The following PCDHB1 variants were observed in gnomAD, a reference collection of about 807,000 sequenced individuals.
PCDHB1 encodes the protein protocadherin beta 1.
In PCDHB1, 44 loss-of-function variants were observed where a neutral mutation model predicts 43.5. The observed-to-expected ratio is 1.01, with a 90% CI of 0.79 to 1.30. The LOEUF is 1.30. Among genes scored for constraint, PCDHB1 ranks in the 50% most tolerant of loss-of-function variants. The pLI is 0.00. For missense variants in PCDHB1, 919 were observed against 1,008.9 expected (o/e 0.91, Z 1.21); for synonymous variants, 392 against 400.8 (o/e 0.98, Z 0.26).
chr5:141,052,934 A>G lies in PCDHB1; in HGVS notation c.1464A>G (p.Thr488=), dbSNP rs1198311770. The part of the protein sequence containing the change: ...DLDLGENAQI[T]YSLLPPKNGD... ...ATTTGGGTGAGAATGCCCAAATAAC[A>G]TATTCTCTGTTGCCTCCAAAAAACG... Residue 488 remains threonine, a synonymous_variant, in exon 1 of 1, where the codon ACA becomes ACG. Transcript: ENST00000306549. The G allele has an allele frequency of 6.2e-7, 1 of 1,614,200 alleles. No homozygotes were observed. The highest frequency in any genetic ancestry group is 1.1e-5 in the South Asian group (1 of 91,086).
Position 141,052,550 on chromosome 5 carries a change from A to G in PCDHB1, c.1080A>G (p.Ser360=), listed in dbSNP as rs1751013116. The G allele has an allele frequency of 6.2e-7, 1 of 1,613,978 alleles. No homozygotes were observed. Among genetic ancestry groups the G allele is most frequent in the Admixed American group, 1.7e-5 (1 of 59,996 alleles). The change falls in exon 1 of 1, where the codon TCA becomes TCG. Residue 360 remains serine (S), a synonymous_variant. Transcript: ENST00000306549. ...SSVSSPLPED[S]PPQTVVALFT... ...TGTCCAGCCCACTCCCTGAAGACTC[A>G]CCACCACAGACAGTAGTAGCCCTTT...
Position 141,052,472 on chromosome 5 carries a change from G to C in PCDHB1, c.1002G>C (p.Leu334=). The change falls in exon 1 of 1, where the codon CTG becomes CTC. Residue 334 remains leucine (L), a synonymous_variant. Transcript: ENST00000306549. The stretch of plus-strand genomic sequence containing the variant: ...GCCTCTCTGCCCACAGCAAAGTCCT[G>C]GTAGAAGTGGTGGATGTGAATGACA... ...GGGLSAHSKV[L]VEVVDVNDNP... is the part of the protein sequence containing the mutation. 6.2e-7 allele frequency: 1 copy of C among 1,614,206 alleles called. No homozygotes were observed. Among genetic ancestry groups the C allele is most frequent in the Non-Finnish European group, 8.5e-7 (1 of 1,180,046 alleles).
In PCDHB1 at chr5:141,053,706, A is replaced by G. The variant is rs782496451; in HGVS notation, c.2236A>G (p.Asn746Asp). 5.0e-6 allele frequency: 8 copies of G among 1,613,944 alleles called. No homozygotes were observed. In the Admixed American group the frequency reaches 1.2e-4, roughly 24 times the overall value. Reference protein sequence around the residue: ...FSNNLVQGQGNGSLSRPCPYE... With the variant: ...FSNNLVQGQGDGSLSRPCPYE... ...TAACAACCTGGTACAAGGACAAGGCAATGGATCCTTATCTCGGCCTTGTCC... is the reference window on the plus strand; with the variant it reads ...TAACAACCTGGTACAAGGACAAGGCGATGGATCCTTATCTCGGCCTTGTCC... Residue 746 changes from asparagine to aspartate, a missense_variant, in exon 1 of 1, where the codon AAT (asparagine) becomes GAT (aspartate). By Grantham distance (23) the Asn-to-Asp change is conservative. Coordinates refer to ENST00000306549, the MANE Select transcript of PCDHB1 (RefSeq NM_013340.4).
Position 141,052,776 on chromosome 5 carries a change from A to T in PCDHB1, c.1306A>T (p.Thr436Ser). 6.2e-7 allele frequency: 1 copy of T among 1,614,188 alleles called. No homozygotes were observed. Among genetic ancestry groups the T allele is most frequent in the Middle Eastern group, 1.6e-4 (1 of 6,062 alleles). Reference protein sequence around the residue: ...DTGPPSLSAETMIEVLISDVN... With the variant: ...DTGPPSLSAESMIEVLISDVN... ...TGGACCACCTAGCTTGTCTGCCGAG[A>T]CTATGATAGAGGTGCTAATATCCGA... Residue 436 changes from threonine (T) to serine (S), a missense_variant, in exon 1 of 1, where the codon ACT becomes TCT. Coordinates refer to ENST00000306549, the MANE Select transcript of PCDHB1 (RefSeq NM_013340.4).
At position 141,057,253 on chromosome 5, in the gene PCDHB1, G is replaced by A. The variant is rs1588286979; in HGVS notation, c.*3326G>A. On this transcript the variant is annotated 3_prime_UTR_variant, in exon 1 of 1. Coordinates refer to ENST00000306549, the MANE Select transcript of PCDHB1 (RefSeq NM_013340.4). ...GAAATGGCATTTTAATATAAAAATG[G>A]TTAAGATAGGCTGGGCATGGTGGCT... 1 of 152,162 alleles carries A rather than the reference G, an allele frequency of 6.6e-6. No homozygotes were observed. The highest frequency in any genetic ancestry group is 1.9e-4 in the East Asian group (1 of 5,166). The allele number at this position is 152,162 out of a possible 1,614,324, so 9.4% of individuals were successfully genotyped here. A position where few individuals can be genotyped will look rare whatever the true frequency, so the allele number is the denominator to read the frequency against.
chr5:141,051,517 C>A lies in PCDHB1; in HGVS notation c.47C>A (p.Ser16Tyr). ...RKSLQNRQVG[S>Y]LLIFLCISVG... ...TCTTTGCAAAACAGGCAAGTGGGAT[C>A]TCTTCTCATTTTTCTGTGCATATCT... The change falls in exon 1 of 1, where the codon TCT (serine) becomes TAT (tyrosine). Residue 16 changes from serine (S) to tyrosine (Y), a missense_variant. By Grantham distance (144) the Ser-to-Tyr change is moderately radical (BLOSUM62 -2). Transcript: ENST00000306549. 6.2e-7 allele frequency: 1 copy of A among 1,614,224 alleles called. No homozygotes were observed. The highest frequency in any genetic ancestry group is 2.2e-5 in the East Asian group (1 of 44,886).
Position 141,052,889 on chromosome 5 carries a change from A to C in PCDHB1, c.1419A>C (p.Lys473Asn). The C allele has an allele frequency of 6.2e-7, 1 of 1,614,204 alleles. No individual in the cohort carries two copies. The change falls in exon 1 of 1, where the codon AAA becomes AAC. Residue 473 changes from lysine to asparagine, a missense_variant. Coordinates refer to ENST00000306549, the MANE Select transcript of PCDHB1 (RefSeq NM_013340.4). The stretch of plus-strand genomic sequence containing the variant: ...ACAGTCCTGCGGTTTTTATTGGCAA[A>C]GTCCATGCTGAGGATCTTGATTTGG... ...ENNSPAVFIG[K>N]VHAEDLDLGE...
Position 141,051,544 on chromosome 5 carries a change from T to TGG in PCDHB1, c.78_79dup (p.Asp27GlyfsTer23), listed in dbSNP as rs1554267030. Reference sequence around the variant, plus strand: ...CTTCTCATTTTTCTGTGCATATCTGTGGGGGATGCGACAACTATCCGCTAT... The same window carrying TGG: ...CTTCTCATTTTTCTGTGCATATCTGTGGGGGGGATGCGACAACTATCCGCTAT... On this transcript the variant is annotated frameshift_variant, in exon 1 of 1. Coordinates refer to ENST00000306549, the MANE Select transcript of PCDHB1 (RefSeq NM_013340.4). LOFTEE classifies it high-confidence loss of function. The TGG allele has an allele frequency of 6.2e-7, 1 of 1,614,178 alleles. No homozygotes were observed. Among genetic ancestry groups the TGG allele is most frequent in the East Asian group, 2.2e-5 (1 of 44,880 alleles).
chr5:141,055,232 T>G lies in PCDHB1; in HGVS notation c.*1305T>G, dbSNP rs1231323651. On this transcript the variant is annotated 3_prime_UTR_variant, in exon 1 of 1. Transcript: ENST00000306549. ...TGAGGTCAGGAGTTCGAGATCACCC[T>G]GGCTAACATGGCAAAACCCTATCTC... The G allele has an allele frequency of 3.3e-5, 5 of 152,292 alleles. No homozygotes were observed. Among genetic ancestry groups the G allele is most frequent in the Non-Finnish European group, 7.3e-5 (5 of 68,134 alleles). 9.4% of individuals were successfully genotyped at this position (152,292 alleles called of 1,614,324 possible).
chr5:141,054,757 G>C lies in PCDHB1; in HGVS notation c.*830G>C. On this transcript the variant is annotated 3_prime_UTR_variant, in exon 1 of 1. Coordinates refer to ENST00000306549, the MANE Select transcript of PCDHB1 (RefSeq NM_013340.4). ...TGCCCAGACTGGAGTGCAATGGCAC[G>C]ATCTCGGCTCACTGCAACCTCTGCC... 1 of 130,796 alleles carries C rather than the reference G, an allele frequency of 7.6e-6. No individual in the cohort carries two copies. Among genetic ancestry groups the C allele is most frequent in the East Asian group, 2.6e-4 (1 of 3,778 alleles). The allele number at this position is 130,796 out of a possible 1,614,324, so 8.1% of individuals were successfully genotyped here. A position where few individuals can be genotyped will look rare whatever the true frequency, so the allele number is the denominator to read the frequency against.
Position 141,053,681 on chromosome 5 carries a change from TAAC to T in PCDHB1, c.2215_2217del (p.Asn739del). On this transcript the variant is annotated inframe_deletion, in exon 1 of 1. Transcript: ENST00000306549. ...ATTTCTATGATGACTGTAATTTCTC[TAAC>T]AACCTGGTACAAGGACAAGGCAATG... is the stretch of plus-strand genomic sequence containing the variant. 7 of 1,614,206 alleles carry T rather than the reference TAAC, an allele frequency of 4.3e-6. No individual in the cohort carries two copies. Among genetic ancestry groups the T allele is most frequent in the Non-Finnish European group, 5.9e-6 (7 of 1,180,008 alleles).
rs1751165381 is a variant in PCDHB1 at position 141,057,787 on chromosome 5, T to C, written c.*3860T>C. The C allele has an allele frequency of 6.6e-6, 1 of 152,172 alleles. No individual in the cohort carries two copies. Among genetic ancestry groups the C allele is most frequent in the South Asian group, 2.1e-4 (1 of 4,830 alleles). 9.4% of individuals were successfully genotyped at this position (152,172 alleles called of 1,614,324 possible). A position where few individuals can be genotyped will look rare whatever the true frequency, so the allele number is the denominator to read the frequency against. ...AATAAGAATATATCAATTCACTGAA[T>C]GTGAAGTAGGCCACTTGTTTTTGGA... On this transcript the variant is annotated 3_prime_UTR_variant, in exon 1 of 1. Transcript: ENST00000306549.
In PCDHB1 at chr5:141,057,560, AAAAAAAG is replaced by A. The variant is rs1182884142; in HGVS notation, c.*3647_*3653del. 4 of 148,398 alleles carry A rather than the reference AAAAAAAG, an allele frequency of 2.7e-5. No homozygotes were observed. Among genetic ancestry groups the A allele is most frequent in the South Asian group, 2.1e-4 (1 of 4,674 alleles). The allele number at this position is 148,398 out of a possible 1,614,324, so 9.2% of individuals were successfully genotyped here. A position where few individuals can be genotyped will look rare whatever the true frequency, so the allele number is the denominator to read the frequency against. ...TGTCTCAAAAAAAAAAAAAAAAAAG[AAAAAAAG>A]AAAAAAGAAAAAAAAAGGTAAGATA... On this transcript the variant is annotated 3_prime_UTR_variant, in exon 1 of 1. Coordinates refer to ENST00000306549, the MANE Select transcript of PCDHB1 (RefSeq NM_013340.4).
chr5:141,053,093 A>T lies in PCDHB1; in HGVS notation c.1623A>T (p.Ser541=). ...AGGCAACTGATGGGGGCTTCCTGTCACTGAGTAGCCAAGTTACTGTCAGAG... is the reference window on the plus strand; with the variant it reads ...AGGCAACTGATGGGGGCTTCCTGTCTCTGAGTAGCCAAGTTACTGTCAGAG... ...VVKATDGGFL[S]LSSQVTVRVV... The change falls in exon 1 of 1, where the codon TCA becomes TCT. Residue 541 remains serine (S), a synonymous_variant. Transcript: ENST00000306549. The T allele has an allele frequency of 6.2e-7, 1 of 1,614,210 alleles. No homozygotes were observed. Among genetic ancestry groups the T allele is most frequent in the East Asian group, 2.2e-5 (1 of 44,878 alleles).
rs1470575838 is a variant in PCDHB1, at chr5:141,055,497, T to G, written c.*1570T>G. 6.6e-6 allele frequency: 1 copy of G among 152,236 alleles called. No homozygotes were observed. The highest frequency in any genetic ancestry group is 2.4e-5 in the African/African-American group (1 of 41,464). 9.4% of individuals were successfully genotyped at this position (152,236 alleles called of 1,614,324 possible). A position where few individuals can be genotyped will look rare whatever the true frequency, so the allele number is the denominator to read the frequency against. ...GTAGTTAATAAGTGTTACAGAACAC[T>G]CTAAACTATTTTGTGCCATTAAGTG... On this transcript the variant is annotated 3_prime_UTR_variant, in exon 1 of 1. Coordinates refer to ENST00000306549, the MANE Select transcript of PCDHB1 (RefSeq NM_013340.4).
Position 141,053,785 on chromosome 5 carries a change from A to C in PCDHB1, c.2315A>C (p.Lys772Thr), listed in dbSNP as rs1554267524. 16 of 1,614,064 alleles carry C rather than the reference A, an allele frequency of 9.9e-6. No individual in the cohort carries two copies. The East Asian group carries it at 3.6e-4, about 36-fold the overall frequency. Residue 772 changes from lysine to threonine, a missense_variant, in exon 1 of 1, where the codon AAG becomes ACG. Coordinates refer to ENST00000306549, the MANE Select transcript of PCDHB1 (RefSeq NM_013340.4). ...GTGNSEFRFL[K>T]RFMPNFPFPH... ...GGTAATAGTGAGTTTCGCTTTCTTA[A>C]GCGTTTTATGCCCAACTTCCCTTTC...
chr5:141,053,841 G>C lies in PCDHB1; in HGVS notation c.2371G>C (p.Ala791Pro). The C allele has an allele frequency of 6.2e-7, 1 of 1,614,100 alleles. No homozygotes were observed. Among genetic ancestry groups the C allele is most frequent in the Non-Finnish European group, 8.5e-7 (1 of 1,179,954 alleles). The change falls in exon 1 of 1, where the codon GCT (alanine) becomes CCT (proline). Residue 791 changes from alanine to proline, a missense_variant. Physicochemically the swap from Ala to Pro is conservative, Grantham distance 27. Coordinates refer to ENST00000306549, the MANE Select transcript of PCDHB1 (RefSeq NM_013340.4). The part of the protein sequence containing the change: ...PHATGEIKME[A>P]GSSLPPNSDR... ...TGCCACTGGGGAGATAAAAATGGAGGCTGGCTCCAGTTTGCCCCCAAATTC... is the reference window on the plus strand; with the variant it reads ...TGCCACTGGGGAGATAAAAATGGAGCCTGGCTCCAGTTTGCCCCCAAATTC...
In PCDHB1 at chr5:141,053,989, G is replaced by A; in HGVS notation, c.*62G>A. ...AATTTTATACTTGGTATGCAAAGAT[G>A]TTACATCCTCATTAAAACAAAAACT... On this transcript the variant is annotated 3_prime_UTR_variant, in exon 1 of 1. Coordinates refer to ENST00000306549, the MANE Select transcript of PCDHB1 (RefSeq NM_013340.4). The A allele has an allele frequency of 1.4e-6, 2 of 1,407,064 alleles. No homozygotes were observed. The highest frequency in any genetic ancestry group is 3.9e-4 in the Middle Eastern group (2 of 5,112). 87.2% of individuals were successfully genotyped at this position (1,407,064 alleles called of 1,614,324 possible). A position where few individuals can be genotyped will look rare whatever the true frequency, so the allele number is the denominator to read the frequency against.
At position 141,051,820 on chromosome 5, in the gene PCDHB1, T is replaced by C. The variant is rs1554267094; in HGVS notation, c.350T>C (p.Phe117Ser). Residue 117 changes from phenylalanine to serine, a missense_variant, in exon 1 of 1, where the codon TTC becomes TCC. Physicochemically the swap from Phe to Ser is radical, Grantham distance 155. Coordinates refer to ENST00000306549, the MANE Select transcript of PCDHB1 (RefSeq NM_013340.4). ...GTCCTGGTGGAGCCGCTGCAGTCCT[T>C]CCGGGCCGAGGTCAGGGTATTTGAT... ...EVVLVEPLQS[F>S]RAEVRVFDIN... The C allele has an allele frequency of 1.9e-6, 3 of 1,614,196 alleles. No individual in the cohort carries two copies. The highest frequency in any genetic ancestry group is 2.5e-6 in the Non-Finnish European group (3 of 1,180,046).
Sources: gnomAD v4.1 joint callset for allele counts on GRCh38, gnomAD v4.1.1 for gene constraint, MANE v1.5 for transcripts, NCBI Gene and HGNC (gene_info 2026-07-23, HGNC 2026-07-21) for gene names.